MCC: variants seen among roughly 807,000 people sequenced by gnomAD.
MCC encodes colorectal mutant cancer protein.
A neutral mutation model predicts 116.2 loss-of-function variants in MCC; 90 were observed. The observed-to-expected ratio is 0.77, with a 90% CI of 0.65 to 0.92. The LOEUF (loss-of-function observed/expected upper bound fraction) is 0.92. Among genes scored for constraint, MCC ranks in the 40% least tolerant of loss-of-function variants. MCC has a pLI of 0.00. For missense variants in MCC, 1,516 were observed against 1,312.2 expected, an observed-to-expected ratio of 1.16 and a Z score of -2.40; for synonymous variants, 578 against 510.5, an observed-to-expected ratio of 1.13 and a Z score of -1.78.
intron 1 of MCC, among the ~76,000 whole-genome samples, chr5:113,459,986 C>T (rs956324549): frequency 2.0e-5 from 3 of 152,130 alleles, no homozygotes; most frequent in African/African-American, 4.8e-5. Flanking sequence ...CTTGCTTCAT[C>T]CACATGACAT....
At chr5:113,222,139 T>C (rs549226257) in intron 3 of MCC, among the ~76,000 whole-genome samples, 1 of 152,350 alleles carries the variant, frequency 6.6e-6, no homozygotes, top group South Asian at 2.1e-4. Flanking sequence ...CATGAATGCA[T>C]GTTACATTTT....
intron 6 of MCC, among the ~76,000 whole-genome samples, chr5:113,116,259 T>A (rs1757386934): frequency 1.3e-5 from 2 of 152,196 alleles, no homozygotes; most frequent in South Asian, 2.1e-4. Flanking sequence ...GGTTCTGGCA[T>A]CCATATGTGA....
intron 11 of MCC, among the ~76,000 whole-genome samples, chr5:113,080,668 G>C (rs778946107): frequency 1.3e-5 from 2 of 152,036 alleles, no homozygotes; most frequent in African/African-American, 2.4e-5. Context: ...TGGAGGGAGC[G>C]GGGAGGGATA....
At position 113,101,746 on chromosome 5, in the gene MCC, C is replaced by T. The variant is rs760280242; in HGVS notation, c.1391G>A (p.Arg464Gln). The T allele has an allele frequency of 6.8e-6, 11 of 1,613,066 alleles. No homozygotes were observed. Among genetic ancestry groups the T allele is most frequent in the South Asian group, 5.5e-5 (5 of 91,086 alleles). The stretch of plus-strand genomic sequence containing the variant: ...TGGATGCAGCATGCTCACCCTCCTC[C>T]GGAGCCGGTCCCGCTCTTCCCGGAT... The part of the protein sequence containing the change: ...NAIREERDRL[R>Q]RRVRELQTRL... Residue 464 changes from arginine (R) to glutamine (Q), a missense_variant, in exon 8 of 19, where the codon CGG (arginine) becomes CAG (glutamine). Arg to Gln is a conservative substitution (Grantham distance 43). Coordinates refer to ENST00000408903, the MANE Select transcript of MCC (RefSeq NM_001085377.2).
At position 113,085,153 on chromosome 5, in the gene MCC, C is replaced by T. The variant is rs759864021; in HGVS notation, c.1545+11G>A. ...TGTTCCCGCTCATCGGGTCCATCCCCAGGAACTCACCTTGGCGATGGGAAT... is the reference window on the plus strand; with the variant it reads ...TGTTCCCGCTCATCGGGTCCATCCCTAGGAACTCACCTTGGCGATGGGAAT... On this transcript the variant is annotated intron_variant, in intron 9 of 18. Transcript: ENST00000408903. 2.5e-6 allele frequency: 4 copies of T among 1,614,124 alleles called. No homozygotes were observed. Among genetic ancestry groups the T allele is most frequent in the Non-Finnish European group, 3.4e-6 (4 of 1,180,026 alleles).
intron 3 of MCC, among the ~76,000 whole-genome samples, chr5:113,166,264 A>G (rs1760761472): frequency 6.6e-6 from 1 of 152,198 alleles, no homozygotes; most frequent in Non-Finnish European, 1.5e-5. Flanking sequence ...ATATCAAAAG[A>G]AAATCTAAGT....
At chr5:113,370,535 T>C (rs1768812804) in intron 2 of MCC, among the ~76,000 whole-genome samples, 1 of 152,214 alleles carries the variant, frequency 6.6e-6, no homozygotes, top group African/African-American at 2.4e-5. Flanking sequence ...CCTCTTTTTC[T>C]AAAAGCAAGA....
At chr5:113,045,817 TTAAA>T (rs1270809862) in intron 16 of MCC, among the ~76,000 whole-genome samples, 1 of 87,838 alleles carries the variant, frequency 1.1e-5, no homozygotes, top group Non-Finnish European at 2.6e-5. Flanking sequence ...AAAAAAAAAA[TTAAA>T]TAAAGTGCTA....
rs377113655 is a variant in MCC, at chr5:113,170,672, G to A, written c.628-19250C>T. On this transcript the variant is annotated intron_variant, in intron 3 of 18. Transcript: ENST00000408903. Reference sequence around the variant, plus strand: ...ACTTTTATATATAACTCTCCTTACTGGTGTTCTTAAAATTCATCTCTAACA... The same window carrying A: ...ACTTTTATATATAACTCTCCTTACTAGTGTTCTTAAAATTCATCTCTAACA... Among the ~76,000 whole-genome samples, 48 of 152,100 alleles carry A rather than the reference G, an allele frequency of 3.2e-4. 1 individual carries two copies. In the East Asian group the frequency reaches 4.6e-3, roughly 15 times the overall value.
rs1461621141 is a variant in MCC at position 113,023,569 on chromosome 5, C to CTCTT, written c.*3729_*3732dup. 1.2e-4 allele frequency: 18 copies of CTCTT among 152,340 alleles called. No individual in the cohort carries two copies. The highest frequency in any genetic ancestry group is 4.1e-4 in the African/African-American group (17 of 41,576). The allele number at this position is 152,340 out of a possible 1,614,324, so 9.4% of individuals were successfully genotyped here. ...CAGAAATCTCAACCATTACAGAAGT[C>CTCTT]TCTTACTATTTTGGCTCTCAAAATA... On this transcript the variant is annotated 3_prime_UTR_variant, in exon 19 of 19. Coordinates refer to ENST00000408903, the MANE Select transcript of MCC (RefSeq NM_001085377.2).
chr5:113,294,175 G>C (rs1766621396), intron 3 of MCC, among the ~76,000 whole-genome samples: 1 of 152,196 alleles, frequency 6.6e-6, no homozygotes, highest in Non-Finnish European at 1.5e-5. Context: ...GTTAAAACAA[G>C]ATCCAGAAAA....
At chr5:113,232,224 A>G (rs917440776) in intron 3 of MCC, among the ~76,000 whole-genome samples, 1 of 152,230 alleles carries the variant, frequency 6.6e-6, no homozygotes, top group Non-Finnish European at 1.5e-5. Flanking sequence ...GAAGTAGGAA[A>G]ACAACATATC....
At chr5:113,056,329 C>A (rs529411287) in intron 14 of MCC, among the ~76,000 whole-genome samples, 4 of 152,162 alleles carry the variant, frequency 2.6e-5, no homozygotes, top group Admixed American at 2.6e-4. Flanking sequence ...AACCTAAATG[C>A]CCATCAGTGG....
At chr5:113,183,669 G>A (rs374451768) in intron 3 of MCC, among the ~76,000 whole-genome samples, 2 of 152,134 alleles carry the variant, frequency 1.3e-5, no homozygotes, top group Non-Finnish European at 2.9e-5. Context: ...GAGAGAGTTG[G>A]GCATCTGGAG....
chr5:113,416,154 G>A (rs1452026781), intron 1 of MCC, among the ~76,000 whole-genome samples: 3 of 152,214 alleles, frequency 2.0e-5, no homozygotes, highest in Non-Finnish European at 4.4e-5. Flanking sequence ...ACGCTGGGAG[G>A]TGCAGACCAG....
chr5:113,059,469 G>T (rs1753065903), intron 14 of MCC, among the ~76,000 whole-genome samples: 7 of 152,238 alleles, frequency 4.6e-5, no homozygotes, highest in Admixed American at 3.9e-4. Context: ...CTGGGCAAGG[G>T]TTAAGTCATC....
At chr5:113,202,630 G>A (rs1301876949) in intron 3 of MCC, among the ~76,000 whole-genome samples, 2 of 152,002 alleles carry the variant, frequency 1.3e-5, no homozygotes, top group Admixed American at 6.6e-5. Context: ...GTTTAAGACT[G>A]GGAAAAAACT....
intron 5 of MCC, among the ~76,000 whole-genome samples, chr5:113,141,556 A>G (rs923673687): frequency 6.6e-6 from 1 of 152,184 alleles, no homozygotes; most frequent in African/African-American, 2.4e-5. Flanking sequence ...AAGCCTCAGG[A>G]GCTCAGAGGA....
intron 1 of MCC, among the ~76,000 whole-genome samples, chr5:113,410,746 T>C (rs1769967088): frequency 6.6e-6 from 1 of 152,194 alleles, no homozygotes; most frequent in Non-Finnish European, 1.5e-5. Flanking sequence ...CCCAGTGCTA[T>C]CCCTCCCCCA....
Sources: gnomAD v4.1 joint callset for allele counts (sites outside exome capture counted in the v4.1 genomes callset) on GRCh38, gnomAD v4.1.1 for gene constraint, MANE v1.5 for transcripts, NCBI Gene and HGNC (gene_info 2026-07-23, HGNC 2026-07-21) for gene names.